Variants in PIK3C3 observed in about 807,000 individuals in gnomAD.
The protein encoded by PIK3C3 is phosphatidylinositol 3-kinase catalytic subunit type 3.
Under a neutral mutation model 126.1 loss-of-function variants are expected in PIK3C3, and 95 were observed. The ratio of observed to expected loss-of-function variants is 0.75; its 90% CI spans 0.64 to 0.89. PIK3C3 has a LOEUF of 0.89. PIK3C3 is among the 40% of genes least tolerant of loss of function. PIK3C3 has a pLI of 0.00. For missense variants in PIK3C3, 829 were observed against 1,063.2 expected (o/e 0.78, Z 3.06); for synonymous variants, 374 against 360.0 (o/e 1.04, Z -0.44).
At chr18:42,064,464 T>C (rs1268394115) in intron 22 of PIK3C3, among the ~76,000 whole-genome samples, 3 of 152,164 alleles carry the variant, frequency 2.0e-5, no homozygotes, top group Admixed American at 6.5e-5. Flanking sequence ...TATATATATA[T>C]ACTTACTAAA....
chr18:41,992,316 C>T (rs1981818311), intron 6 of PIK3C3, among the ~76,000 whole-genome samples: 1 of 152,124 alleles, frequency 6.6e-6, no homozygotes, highest in Admixed American at 6.6e-5. Context: ...AATGTGTTTT[C>T]TGGTGTTGTG....
At position 42,058,047 on chromosome 18, in the gene PIK3C3, C is replaced by A; in HGVS notation, c.2428C>A (p.Arg810=). The A allele has an allele frequency of 1.9e-6, 3 of 1,574,672 alleles. No homozygotes were observed. Among genetic ancestry groups the A allele is most frequent in the Non-Finnish European group, 2.6e-6 (3 of 1,163,042 alleles). The part of the protein sequence containing the change: ...KQCYTAFLHL[R]RYSNLILNLF... ...GTGTTACACGGCTTTCCTCCACCTGCGAAGGTAAGTTGATTTGCTTGGCAC... is the reference window on the plus strand; with the variant it reads ...GTGTTACACGGCTTTCCTCCACCTGAGAAGGTAAGTTGATTTGCTTGGCAC... Residue 810 remains arginine, a synonymous_variant, in exon 22 of 25, where the codon CGA becomes AGA. Transcript: ENST00000262039.
chr18:42,028,482 A>G (rs1983674662), intron 14 of PIK3C3, among the ~76,000 whole-genome samples: 2 of 152,242 alleles, frequency 1.3e-5, no homozygotes, highest in Non-Finnish European at 2.9e-5. Context: ...GGCTTGCCGC[A>G]GAAATAGTCT....
intron 22 of PIK3C3, 103 bp from the exon 23 acceptor site, chr18:42,064,637 C>G: frequency 4.8e-6 from 3 of 628,910 alleles, no homozygotes; most frequent in Non-Finnish European, 5.8e-6. Flanking sequence ...ATAGTAATCA[C>G]TGTAGAAATC....
intron 13 of PIK3C3, chr18:42,025,588 C>T (rs1983529676): frequency 6.6e-6 from 1 of 152,094 alleles, no homozygotes; most frequent in Admixed American, 6.5e-5. Flanking sequence ...GCCCAAATAC[C>T]TTGGATATTG....
At chr18:42,032,977 C>G (rs1160866207) in intron 15 of PIK3C3, among the ~76,000 whole-genome samples, 2 of 152,046 alleles carry the variant, frequency 1.3e-5, no homozygotes, top group African/African-American at 4.8e-5. Context: ...TTGAGGCTTA[C>G]CCAGCAGCAC....
rs770657382 is a variant in PIK3C3 at position 42,033,890 on chromosome 18, T to C, written c.1772T>C (p.Ile591Thr). 9 of 1,605,726 alleles carry C rather than the reference T, an allele frequency of 5.6e-6. No individual in the cohort carries two copies. The highest frequency in any genetic ancestry group is 4.5e-5 in the East Asian group (2 of 44,508). Residue 591 changes from isoleucine (I) to threonine (T), a missense_variant, in exon 16 of 25, where the codon ATC (isoleucine) becomes ACC (threonine). This residue lies in a region of PIK3C3 where 256 missense variants were observed against 291.0 expected (regional missense o/e 0.88). Coordinates refer to ENST00000262039, the MANE Select transcript of PIK3C3 (RefSeq NM_002647.4). Reference protein sequence around the residue: ...EKMNLSDVELIPLPLEPQVKI... With the variant: ...EKMNLSDVELTPLPLEPQVKI... ...ATGAATTTGTCAGATGTGGAACTTA[T>C]CCCGTTGCCTTTAGAACCCCAAGTG...
intron 21 of PIK3C3, among the ~76,000 whole-genome samples, chr18:42,053,985 C>T (rs1984919997): frequency 6.6e-6 from 1 of 150,912 alleles, no homozygotes; most frequent in African/African-American, 2.4e-5. Flanking sequence ...TGCCTTGCCA[C>T]TTTAGAGTAA....
chr18:42,053,182 G>A (rs1219061430), intron 21 of PIK3C3, among the ~76,000 whole-genome samples: 1 of 152,152 alleles, frequency 6.6e-6, no homozygotes, highest in Non-Finnish European at 1.5e-5. Context: ...AATAGAAAAT[G>A]ATCCAGCTAA....
chr18:41,979,342 G>C (rs556721887), intron 4 of PIK3C3, among the ~76,000 whole-genome samples: 6 of 152,072 alleles, frequency 3.9e-5, no homozygotes, highest in African/African-American at 2.4e-5. Context: ...ACTCTCATTC[G>C]GAAATGGGCT....
chr18:41,973,385 T>A (rs1414277972), intron 4 of PIK3C3, among the ~76,000 whole-genome samples: 1 of 152,114 alleles, frequency 6.6e-6, no homozygotes, highest in Non-Finnish European at 1.5e-5. Context: ...TGCCTTATAC[T>A]TGAGAAAATA....
chr18:42,051,369 A>G (rs1196683352), intron 21 of PIK3C3: 1 of 152,196 alleles, frequency 6.6e-6, no homozygotes, highest in East Asian at 1.9e-4. Flanking sequence ...CAGAAAGCAG[A>G]TGTTTACGTT....
At chr18:42,057,861 T>C in intron 21 of PIK3C3, 22 bp from the exon 22 acceptor site, 1 of 1,611,730 alleles carries the variant, frequency 6.2e-7, no homozygotes. Flanking sequence ...TGGAAACAAA[T>C]GAGTTTCTTG....
chr18:42,065,468 T>G (rs1221982638), intron 23 of PIK3C3, among the ~76,000 whole-genome samples: 1 of 152,218 alleles, frequency 6.6e-6, no homozygotes, highest in Non-Finnish European at 1.5e-5. Flanking sequence ...AATGAAATAT[T>G]AATTGGGTAG....
rs149030814 is a variant in PIK3C3, at chr18:41,958,673, A to G, written c.257+915A>G. Among the ~76,000 whole-genome samples the G allele has an allele frequency of 1.1e-4, 17 of 151,142 alleles. No individual in the cohort carries two copies. In the East Asian group the frequency reaches 2.1e-3, roughly 19 times the overall value. The stretch of plus-strand genomic sequence containing the variant: ...GTCTGTCTGTCTGTCTATCTAGCCT[A>G]TCTATCTGTATATATATATGTGTGT... On this transcript the variant is annotated intron_variant, in intron 2 of 24. Coordinates refer to ENST00000262039, the MANE Select transcript of PIK3C3 (RefSeq NM_002647.4).
At chr18:42,003,871 G>GT (rs1982410728) in intron 9 of PIK3C3, among the ~76,000 whole-genome samples, 1 of 152,224 alleles carries the variant, frequency 6.6e-6, no homozygotes, top group African/African-American at 2.4e-5. Flanking sequence ...TCATGTTTAA[G>GT]TATCTGCGAA....
chr18:42,054,558 A>C (rs1984975416), intron 21 of PIK3C3, among the ~76,000 whole-genome samples: 1 of 152,050 alleles, frequency 6.6e-6, no homozygotes, highest in South Asian at 2.1e-4. Flanking sequence ...TCAAGTTGAC[A>C]GTCAGTATTA....
intron 24 of PIK3C3, among the ~76,000 whole-genome samples, chr18:42,079,770 T>C (rs1986170811): frequency 6.6e-6 from 1 of 152,162 alleles, no homozygotes; most frequent in Non-Finnish European, 1.5e-5. Flanking sequence ...CTCCCTCGTA[T>C]GTTAGTGTAG....
At chr18:42,000,640 G>A (rs1982240784) in intron 9 of PIK3C3, among the ~76,000 whole-genome samples, 1 of 152,072 alleles carries the variant, frequency 6.6e-6, no homozygotes, top group Non-Finnish European at 1.5e-5. Flanking sequence ...AGACTGAGAA[G>A]AAAAAGAATT....
Sources: allele counts gnomAD v4.1 joint callset (sites outside exome capture counted in the v4.1 genomes callset), GRCh38; gene constraint gnomAD v4.1.1; regional missense constraint gnomAD v4.1.1; transcripts MANE v1.5; gene names NCBI Gene and HGNC (gene_info 2026-07-23, HGNC 2026-07-21).